Variants in ITGAX observed in about 807,000 individuals in gnomAD.
The protein encoded by ITGAX is integrin subunit alpha X.
A neutral mutation model predicts 140.2 loss-of-function variants in ITGAX; 99 were observed. The ratio of observed to expected loss-of-function variants is 0.71; its 90% CI spans 0.60 to 0.83. ITGAX has a LOEUF of 0.83. Among genes scored for constraint, ITGAX ranks in the 40% least tolerant of loss-of-function variants. The pLI is 0.00. For missense variants in ITGAX, 1,444 were observed against 1,482.0 expected, an observed-to-expected ratio of 0.97 and a Z score of 0.42; for synonymous variants, 631 against 600.4, an observed-to-expected ratio of 1.05 and a Z score of -0.75.
chr16:31,361,134 A>T lies in ITGAX; in HGVS notation c.933A>T (p.Glu311Asp). 1 of 1,613,864 alleles carries T rather than the reference A, an allele frequency of 6.2e-7. No individual in the cohort carries two copies. The stretch of plus-strand genomic sequence containing the variant: ...ACATTGCATCGAAGCCCTCCCAGGA[A>T]CACATATTTAAAGTGGAGGACTTTG... The part of the protein sequence containing the change: ...LNDIASKPSQ[E>D]HIFKVEDFDA... The change falls in exon 9 of 30, where the codon GAA (glutamate) becomes GAT (aspartate). Residue 311 changes from glutamate to aspartate, a missense_variant. Coordinates refer to ENST00000268296, the MANE Select transcript of ITGAX (RefSeq NM_000887.5).
intron 9 of ITGAX, chr16:31,361,512 C>T: frequency 1.5e-6 from 1 of 675,416 alleles, no homozygotes; most frequent in Non-Finnish European, 2.6e-6. Flanking sequence ...TCCACCCACA[C>T]CGGGCCCTAC....
chr16:31,382,032 G>A lies in ITGAX; in HGVS notation c.*125G>A. 6.9e-7 allele frequency: 1 copy of A among 1,451,536 alleles called. No homozygotes were observed. Among genetic ancestry groups the A allele is most frequent in the South Asian group, 1.4e-5 (1 of 69,818 alleles). 89.9% of individuals were successfully genotyped at this position (1,451,536 alleles called of 1,614,324 possible). A position where few individuals can be genotyped will look rare whatever the true frequency, so the allele number is the denominator to read the frequency against. ...AGAGGCTGGGATGGGCCTGCTTCCT[G>A]TCTTTGGGAGAAAACGTCTTGCTTG... On this transcript the variant is annotated 3_prime_UTR_variant, in exon 30 of 30. Coordinates refer to ENST00000268296, the MANE Select transcript of ITGAX (RefSeq NM_000887.5).
chr16:31,357,086 C>A lies in ITGAX; in HGVS notation c.303C>A (p.Ser101Arg). 1 of 1,607,492 alleles carries A rather than the reference C, an allele frequency of 6.2e-7. No individual in the cohort carries two copies. The change falls in exon 4 of 30, where the codon AGC becomes AGA. Residue 101 changes from serine to arginine, a missense_variant. Ser to Arg is a moderately radical substitution (Grantham distance 110). Transcript: ENST00000268296. ...SLGLSLASTTSPSQLLACGPT... is the reference protein window; with the variant it reads ...SLGLSLASTTRPSQLLACGPT... ...GCCTGTCCCTGGCGTCTACCACCAG[C>A]CCTTCCCAGCTGCTGGTGAGTGGCC...
In ITGAX at chr16:31,377,087, G is replaced by C; in HGVS notation, c.2705+8G>C. On this transcript the variant is annotated splice_region_variant and intron_variant, in intron 22 of 29. Transcript: ENST00000268296. ...GACAGCCAATGTGAGCAGGTGAGCC[G>C]GGCCAGGCCAGGGGCAGTGCCCCTC... is the stretch of plus-strand genomic sequence containing the variant. 4 of 1,614,056 alleles carry C rather than the reference G, an allele frequency of 2.5e-6. No homozygotes were observed. The highest frequency in any genetic ancestry group is 3.4e-6 in the Non-Finnish European group (4 of 1,179,960).
At chr16:31,357,533 G>A (rs1237779365) in intron 5 of ITGAX, 169 bp downstream of exon 5, 4 of 589,622 alleles carry the variant, frequency 6.8e-6, no homozygotes, top group South Asian at 4.3e-5. Context: ...CCTGCCGATC[G>A]CCCGCACGCT....
In ITGAX at chr16:31,380,940, C is replaced by A. The variant is rs780712390; in HGVS notation, c.3320C>A (p.Pro1107His). 8.7e-6 allele frequency: 14 copies of A among 1,614,036 alleles called. No homozygotes were observed. In the Admixed American group the frequency reaches 1.5e-4, roughly 17 times the overall value. Residue 1107 changes from proline to histidine, a missense_variant, in exon 29 of 30, where the codon CCC becomes CAC. Coordinates refer to ENST00000268296, the MANE Select transcript of ITGAX (RefSeq NM_000887.5). ...LEKYKVHNPT[P>H]LIVGSSIGGL... ...AAGTACAAGGTCCACAACCCCACCC[C>A]CCTCATCGTAGGCAGCTCCATTGGG...
At chr16:31,356,496 TTTAAA>T in intron 2 of ITGAX, 124 bp from the exon 3 acceptor site, 1 of 635,442 alleles carries the variant, frequency 1.6e-6, no homozygotes, top group South Asian at 1.8e-5. Flanking sequence ...CCACATGGAC[TTTAAA>T]TTATTAAAAT....
intron 11 of ITGAX, 62 bp from the exon 12 acceptor site, chr16:31,362,549 G>C: frequency 2.0e-6 from 3 of 1,535,026 alleles, no homozygotes; most frequent in South Asian, 1.2e-5. Flanking sequence ...TGCCCGGGGT[G>C]GGGGTCCAGG....
chr16:31,371,079 G>C lies in ITGAX; in HGVS notation c.1711-5G>C. 1 of 1,613,682 alleles carries C rather than the reference G, an allele frequency of 6.2e-7. No individual in the cohort carries two copies. The highest frequency in any genetic ancestry group is 8.5e-7 in the Non-Finnish European group (1 of 1,179,994). ...TCTTGATTCACCCTTCTCTCCTCTG[G>C]CCAGCGGATCGCGGGCTCCCAGCTC... is the stretch of plus-strand genomic sequence containing the variant. On this transcript the variant is annotated splice_region_variant and splice_polypyrimidine_tract_variant and intron_variant, in intron 14 of 29. Coordinates refer to ENST00000268296, the MANE Select transcript of ITGAX (RefSeq NM_000887.5).
rs1484821837 is a variant in ITGAX, at chr16:31,355,817, G to A, written c.38-76G>A. ...TCAGGCTCGGAGGGGAGATTGGGAC[G>A]CTGGGGCCGGGGGTGGAGGGCAGCC... On this transcript the variant is annotated intron_variant, in intron 1 of 29. Transcript: ENST00000268296. 7 of 1,143,642 alleles carry A rather than the reference G, an allele frequency of 6.1e-6. No individual in the cohort carries two copies. In the African/African-American group the frequency reaches 7.7e-5, roughly 13 times the overall value. 70.8% of individuals were successfully genotyped at this position (1,143,642 alleles called of 1,614,324 possible). A position where few individuals can be genotyped will look rare whatever the true frequency, so the allele number is the denominator to read the frequency against.
intron 5 of ITGAX, 149 bp from the exon 6 acceptor site, chr16:31,359,551 G>A (rs1443345332): frequency 3.7e-6 from 3 of 812,976 alleles, no homozygotes; most frequent in Non-Finnish European, 3.8e-6. Flanking sequence ...GATGAGGAGA[G>A]GACCCAGGGT....
In ITGAX at chr16:31,357,301, A is replaced by G. The variant is rs141436259; in HGVS notation, c.367A>G (p.Thr123Ala). The G allele has an allele frequency of 2.1e-4, 330 of 1,608,874 alleles. 1 individual carries two copies. Among genetic ancestry groups the G allele is most frequent in the Admixed American group, 6.4e-4 (38 of 59,596 alleles). ...HHECGRNMYL[T>A]GLCFLLGPTQ... ...CGAGTGCGGGAGGAACATGTACCTCACCGGACTCTGCTTCCTCCTGGGCCC... is the reference window on the plus strand; with the variant it reads ...CGAGTGCGGGAGGAACATGTACCTCGCCGGACTCTGCTTCCTCCTGGGCCC... Residue 123 changes from threonine to alanine, a missense_variant, in exon 5 of 30, where the codon ACC becomes GCC. Transcript: ENST00000268296.
chr16:31,373,265 G>A lies in ITGAX; in HGVS notation c.2383G>A (p.Val795Met). 3 of 1,612,928 alleles carry A rather than the reference G, an allele frequency of 1.9e-6. No individual in the cohort carries two copies. In the South Asian group the frequency reaches 3.3e-5, roughly 18 times the overall value. Residue 795 changes from valine (V) to methionine (M), a missense_variant, in exon 20 of 30, where the codon GTG becomes ATG. Val to Met is a conservative substitution (Grantham distance 21). Coordinates refer to ENST00000268296, the MANE Select transcript of ITGAX (RefSeq NM_000887.5). ...FSFPGLKSLL[V>M]GSNLELNAEV... ...GATACCCAGCTTGAAGTCCCTGCTG[G>A]TGGGGAGTAACCTGGAGCTGAACGC...
rs1368531704 is a variant in ITGAX, at chr16:31,362,007, G to A, written c.1087-68G>A. On this transcript the variant is annotated intron_variant, in intron 10 of 29. Transcript: ENST00000268296. ...GGTGGGTAAGAGGCGCAGGCGGAAGGCATATCTCTGGTACATGCTGTCTTC... is the reference window on the plus strand; with the variant it reads ...GGTGGGTAAGAGGCGCAGGCGGAAGACATATCTCTGGTACATGCTGTCTTC... 1.9e-6 allele frequency: 3 copies of A among 1,612,976 alleles called. No individual in the cohort carries two copies. In the Admixed American group the frequency reaches 5.0e-5, roughly 27 times the overall value.
chr16:31,360,734 T>C lies in ITGAX; in HGVS notation c.861+271T>C, dbSNP rs144337188. 1.4e-4 allele frequency: 74 copies of C among 512,248 alleles called. No individual in the cohort carries two copies. The East Asian group carries it at 2.2e-3, about 15-fold the overall frequency. The allele number at this position is 512,248 out of a possible 1,614,324, so 31.7% of individuals were successfully genotyped here. A position where few individuals can be genotyped will look rare whatever the true frequency, so the allele number is the denominator to read the frequency against. ...TCTTGCTATGTTGCCCAGGCTGGTC[T>C]CAAATTCCTGGCCTTAAGCAATTCT... On this transcript the variant is annotated intron_variant, in intron 8 of 29. Transcript: ENST00000268296.
intron 8 of ITGAX, 59 bp downstream of exon 8, chr16:31,360,522 T>C (rs576017978): frequency 2.1e-6 from 3 of 1,462,696 alleles, no homozygotes; most frequent in Non-Finnish European, 2.8e-6. Flanking sequence ...CAACTCCCCT[T>C]TCTGTGTATG....
At position 31,371,476 on chromosome 16, in the gene ITGAX, T is replaced by C; in HGVS notation, c.1984T>C (p.Ser662Pro). ...CATCTGCCTTTACATTGACAAACGT[T>C]CTAAGAACCTGCTTGGGAGCCGTGA... is the stretch of plus-strand genomic sequence containing the variant. ...SNICLYIDKR[S>P]KNLLGSRDLQ... Residue 662 changes from serine to proline, a missense_variant, in exon 16 of 30, where the codon TCT becomes CCT. Transcript: ENST00000268296. The C allele has an allele frequency of 6.2e-7, 1 of 1,613,960 alleles. No homozygotes were observed.
chr16:31,371,041 C>G, intron 14 of ITGAX, 43 bp from the exon 15 acceptor site: 1 of 1,612,614 alleles, frequency 6.2e-7, no homozygotes, highest in Non-Finnish European at 8.5e-7. Context: ...CCAACTTCTT[C>G]CCCTACTTTC....
chr16:31,372,726 G>C, intron 19 of ITGAX, 56 bp downstream of exon 19: 1 of 1,508,966 alleles, frequency 6.6e-7, no homozygotes, highest in Non-Finnish European at 9.2e-7. Flanking sequence ...CCTGGAATCT[G>C]GGACTCCTGC....
Sources: gnomAD v4.1 joint callset for allele counts on GRCh38, gnomAD v4.1.1 for gene constraint, MANE v1.5 for transcripts, NCBI Gene and HGNC (gene_info 2026-07-23, HGNC 2026-07-21) for gene names.